Variants in MTG1 observed in about 807,000 individuals in gnomAD.
MTG1 encodes the protein mitochondrial ribosome-associated GTPase 1.
In MTG1, 30 loss-of-function variants were observed where a neutral mutation model predicts 39.5. That is an observed-to-expected ratio of 0.76 (90% CI 0.57 to 1.03). The LOEUF (loss-of-function observed/expected upper bound fraction) is 1.03. Among genes scored for constraint, MTG1 ranks in the 50% least tolerant of loss-of-function variants. MTG1 has a pLI of 0.00. For synonymous variants in MTG1, 217 were observed against 179.0 expected (o/e 1.21, Z -1.69); for missense variants, 513 against 447.4 (o/e 1.15, Z -1.32).
At chr10:133,410,579 G>T (rs1270222924) in intron 9 of MTG1, among the ~76,000 whole-genome samples, 1 of 152,212 alleles carries the variant, frequency 6.6e-6, no homozygotes, top group African/African-American at 2.4e-5. Flanking sequence ...GTACCATCAG[G>T]CTTACAAAAA....
chr10:133,416,801 T>G (rs28572264), intron 9 of MTG1, among the ~76,000 whole-genome samples: 1 of 146,012 alleles, frequency 6.8e-6, no homozygotes, highest in South Asian at 2.3e-4. Flanking sequence ...TCCAGTCTAT[T>G]ATTGTTGGAC....
chr10:133,398,092 T>C lies in MTG1; in HGVS notation c.283-343T>C, dbSNP rs140792024. Reference sequence around the variant, plus strand: ...GTTTGATCTCTCCATCCGTGTCATCTTCGTGGACAGCTAAATAAAACCAGC... The same window carrying C: ...GTTTGATCTCTCCATCCGTGTCATCCTCGTGGACAGCTAAATAAAACCAGC... On this transcript the variant is annotated intron_variant, in intron 3 of 10. Transcript: ENST00000317502. Among the ~76,000 whole-genome samples, 148 of 152,318 alleles carry C rather than the reference T, an allele frequency of 9.7e-4. 1 individual carries two copies. The highest frequency in any genetic ancestry group is 3.4e-3 in the African/African-American group (140 of 41,564).
At chr10:133,395,667 A>G (rs781142994) in intron 1 of MTG1, 46 bp from the exon 2 acceptor site, 4 of 1,596,466 alleles carry the variant, frequency 2.5e-6, no homozygotes, top group South Asian at 2.2e-5. Flanking sequence ...CGATCACTCT[A>G]GAAAGGTTGT....
chr10:133,395,117 C>A (rs1231283667), intron 1 of MTG1, among the ~76,000 whole-genome samples: 1 of 152,114 alleles, frequency 6.6e-6, no homozygotes, highest in Non-Finnish European at 1.5e-5. Flanking sequence ...GTGGAAGGGC[C>A]CGGCCCGGTG....
chr10:133,399,192 T>A lies in MTG1; in HGVS notation c.386T>A (p.Leu129Gln). Reference protein sequence around the residue: ...VKQIIPMVTELIGRSHRYHRK... With the variant: ...VKQIIPMVTEQIGRSHRYHRK... ...CAGATCATCCCGATGGTCACTGAAC[T>A]GATTGGGAGAAGCCACCGCTACCAC... is the stretch of plus-strand genomic sequence containing the variant. The change falls in exon 5 of 11, where the codon CTG becomes CAG. Residue 129 changes from leucine (L) to glutamine (Q), a missense_variant. Coordinates refer to ENST00000317502, the MANE Select transcript of MTG1 (RefSeq NM_138384.4). 3 of 1,614,094 alleles carry A rather than the reference T, an allele frequency of 1.9e-6. No individual in the cohort carries two copies. The highest frequency in any genetic ancestry group is 1.7e-4 in the Middle Eastern group (1 of 6,060).
rs888782344 is a variant in MTG1 at position 133,402,335 on chromosome 10, C to T, written c.670+90C>T. ...CTGGCTTTGGCACAGGGCCCCTAGA[C>T]GGGAGTTGTTACTGCCTTTGACCTG... On this transcript the variant is annotated intron_variant, in intron 8 of 10. Transcript: ENST00000317502. This position sits in a 1 kb window ranked among gnomAD's most constrained non-coding sequence, Gnocchi z 4.7. The T allele has an allele frequency of 1.4e-5, 21 of 1,489,174 alleles. No homozygotes were observed. Among genetic ancestry groups the T allele is most frequent in the South Asian group, 9.0e-5 (8 of 88,504 alleles). The allele number at this position is 1,489,174 out of a possible 1,614,324, so 92.2% of individuals were successfully genotyped here.
intron 9 of MTG1, among the ~76,000 whole-genome samples, chr10:133,412,030 T>C (rs1284418152): frequency 2.6e-5 from 4 of 152,230 alleles, no homozygotes; most frequent in Non-Finnish European, 5.9e-5. Context: ...TGGTTTTGCA[T>C]TGAAGGATTT....
chr10:133,415,027 G>A (rs1361716647), intron 9 of MTG1, among the ~76,000 whole-genome samples: 12 of 152,246 alleles, frequency 7.9e-5, no homozygotes, highest in South Asian at 2.1e-4. Context: ...CCAGTCAGGC[G>A]TGGTGGCGCG....
At chr10:133,404,711 T>C (rs78354911) in intron 9 of MTG1, among the ~76,000 whole-genome samples, 6,935 of 152,270 alleles carry the variant, frequency 0.046, 289 homozygotes, top group African/African-American at 0.11. Context: ...TCTGATTTTT[T>C]GGTATATGGT....
rs1047122777 is a variant in MTG1, at chr10:133,399,289, G to T, written c.420+63G>T. 4.4e-6 allele frequency: 7 copies of T among 1,574,730 alleles called. No individual in the cohort carries two copies. In the African/African-American group the frequency reaches 5.4e-5, roughly 12 times the overall value. ...GGCGTGGGATGGGCCAGCCCCTCCTGCCTGGCCTCTCCAAGGAGAAGGCGC... is the reference window on the plus strand; with the variant it reads ...GGCGTGGGATGGGCCAGCCCCTCCTTCCTGGCCTCTCCAAGGAGAAGGCGC... On this transcript the variant is annotated intron_variant, in intron 5 of 10. Coordinates refer to ENST00000317502, the MANE Select transcript of MTG1 (RefSeq NM_138384.4).
chr10:133,409,857 C>A (rs1046136640), intron 9 of MTG1, among the ~76,000 whole-genome samples: 1 of 145,680 alleles, frequency 6.9e-6, no homozygotes, highest in Admixed American at 6.8e-5. Flanking sequence ...CAGTCTTTGA[C>A]TTTTAGTCTG....
intron 9 of MTG1, among the ~76,000 whole-genome samples, chr10:133,415,739 CTT>C: frequency 6.6e-6 from 1 of 152,272 alleles, no homozygotes; most frequent in South Asian, 2.1e-4. Flanking sequence ...GGATCTGGGT[CTT>C]TGTAGTTTTC....
Position 133,394,159 on chromosome 10 carries a change from A to T in MTG1, c.-62A>T. 1 of 1,317,902 alleles carries T rather than the reference A, an allele frequency of 7.6e-7. No individual in the cohort carries two copies. Among genetic ancestry groups the T allele is most frequent in the Non-Finnish European group, 1.0e-6 (1 of 976,004 alleles). The allele number at this position is 1,317,902 out of a possible 1,614,324, so 81.6% of individuals were successfully genotyped here. Reference sequence around the variant, plus strand: ...GAGGCCCGCAGCGCCGGAACCTCAGAGGCGGGTCGCAGCGGCGCAGAGGAG... The same window carrying T: ...GAGGCCCGCAGCGCCGGAACCTCAGTGGCGGGTCGCAGCGGCGCAGAGGAG... On this transcript the variant is annotated 5_prime_UTR_variant, in exon 1 of 11. Coordinates refer to ENST00000317502, the MANE Select transcript of MTG1 (RefSeq NM_138384.4).
rs558623279 is a variant in MTG1, at chr10:133,402,595, G to A, written c.671-97G>A. ...GTGGCTGGCCTCTTCCTCACGGCAC[G>A]GTGTCTTTGGGCTAGGACTGGAAGG... On this transcript the variant is annotated intron_variant, in intron 8 of 10. Coordinates refer to ENST00000317502, the MANE Select transcript of MTG1 (RefSeq NM_138384.4). This position sits in a 1 kb window ranked among gnomAD's most constrained non-coding sequence, Gnocchi z 4.7. 5.8e-5 allele frequency: 64 copies of A among 1,110,020 alleles called. No individual in the cohort carries two copies. The African/African-American group carries it at 7.5e-4, about 13-fold the overall frequency. The allele number at this position is 1,110,020 out of a possible 1,614,324, so 68.8% of individuals were successfully genotyped here.
chr10:133,420,153 G>A lies in MTG1; in HGVS notation c.993G>A (p.Glu331=), dbSNP rs1414835582. ...LDVLRGHPPA[E]TLP The stretch of plus-strand genomic sequence containing the variant: ...TCCTGCGGGGCCACCCCCCGGCTGA[G>A]ACTTTGCCCTGAACTTGTCCGGGTA... The change falls in exon 11 of 11, where the codon GAG becomes GAA. Residue 331 remains glutamate, a synonymous_variant. Transcript: ENST00000317502. 1 of 1,611,164 alleles carries A rather than the reference G, an allele frequency of 6.2e-7. No individual in the cohort carries two copies. Among genetic ancestry groups the A allele is most frequent in the Admixed American group, 1.7e-5 (1 of 59,814 alleles).
chr10:133,397,779 G>GTTTTTTTT (rs35859911), intron 3 of MTG1, among the ~76,000 whole-genome samples: 2 of 139,498 alleles, frequency 1.4e-5, no homozygotes, highest in South Asian at 2.4e-4. Flanking sequence ...CGTCCAGCCT[G>GTTTTTTTT]TTTTTTTTTT....
chr10:133,417,503 A>G (rs536141721), intron 9 of MTG1, among the ~76,000 whole-genome samples: 67 of 151,084 alleles, frequency 4.4e-4, no homozygotes, highest in Non-Finnish European at 8.0e-4. Context: ...CTCCTATTCA[A>G]CATAGTGTTG....
At chr10:133,412,826 G>A (rs183308433) in intron 9 of MTG1, among the ~76,000 whole-genome samples, 324 of 152,072 alleles carry the variant, frequency 2.1e-3, no homozygotes, top group Middle Eastern at 3.4e-3. Context: ...ATTTCCATTC[G>A]ATGTTTATTT....
In MTG1 at chr10:133,395,794, C is replaced by T; in HGVS notation, c.177+17C>T. 6.2e-7 allele frequency: 1 copy of T among 1,612,746 alleles called. No individual in the cohort carries two copies. The highest frequency in any genetic ancestry group is 8.5e-7 in the Non-Finnish European group (1 of 1,178,940). On this transcript the variant is annotated intron_variant, in intron 2 of 10. Transcript: ENST00000317502. ...GATGCCCGGATATCCTTTCACAGAGCAGGGGAGGCCCCTCTGCCTGAAGTC... is the reference window on the plus strand; with the variant it reads ...GATGCCCGGATATCCTTTCACAGAGTAGGGGAGGCCCCTCTGCCTGAAGTC...
Sources: allele counts gnomAD v4.1 joint callset (sites outside exome capture counted in the v4.1 genomes callset), GRCh38; gene constraint gnomAD v4.1.1; non-coding constraint Gnocchi (gnomAD v3.1); transcripts MANE v1.5; gene names NCBI Gene and HGNC (gene_info 2026-07-23, HGNC 2026-07-21).